The following ADAMTSL3 variants were observed in gnomAD, a reference collection of about 807,000 sequenced individuals.
ADAMTSL3 encodes the protein ADAMTS like 3.
In ADAMTSL3, 128 loss-of-function variants were observed where a neutral mutation model predicts 201.7. The observed-to-expected ratio is 0.63, with a 90% CI of 0.55 to 0.73. The LOEUF (loss-of-function observed/expected upper bound fraction) is 0.73. ADAMTSL3 is among the 30% of genes least tolerant of loss of function. The pLI, the probability that ADAMTSL3 is intolerant of heterozygous loss-of-function variation, is 0.00. For missense variants in ADAMTSL3, 1,990 were observed against 2,119.6 expected (o/e 0.94, Z 1.20); for synonymous variants, 738 against 748.4 (o/e 0.99, Z 0.23).
rs749731497 is a variant in ADAMTSL3 at position 83,804,691 on chromosome 15, A to G, written c.359A>G (p.Asn120Ser). The change falls in exon 5 of 30, where the codon AAT becomes AGT. Residue 120 changes from asparagine (N) to serine (S), a missense_variant. By Grantham distance (46) the Asn-to-Ser change is conservative. Coordinates refer to ENST00000286744, the MANE Select transcript of ADAMTSL3 (RefSeq NM_207517.3). ...AACATTCGGTACAAGACATGCAGCAATCATGTAAGTCATAAAATAAAATTA... is the reference window on the plus strand; with the variant it reads ...AACATTCGGTACAAGACATGCAGCAGTCATGTAAGTCATAAAATAAAATTA... ...GQNIRYKTCS[N>S]HDCPPDAEDF... 1.3e-6 allele frequency: 2 copies of G among 1,582,398 alleles called. No individual in the cohort carries two copies. Among genetic ancestry groups the G allele is most frequent in the Non-Finnish European group, 1.7e-6 (2 of 1,166,650 alleles).
intron 23 of ADAMTSL3, among the ~76,000 whole-genome samples, chr15:83,994,333 C>T (rs1212732196): frequency 6.6e-6 from 1 of 152,190 alleles, no homozygotes; most frequent in East Asian, 1.9e-4. Flanking sequence ...GTGGATGGCA[C>T]CTGACATCCC....
chr15:83,813,309 C>T (rs2063725451), intron 5 of ADAMTSL3, among the ~76,000 whole-genome samples: 1 of 152,178 alleles, frequency 6.6e-6, no homozygotes, highest in Non-Finnish European at 1.5e-5. Context: ...TTCCACTACT[C>T]CAGCAGCCTG....
Position 83,940,926 on chromosome 15 carries a change from T to C in ADAMTSL3, c.2118-1670T>C, listed in dbSNP as rs182262038. ...CACAAAACTAGTGAGGTCCAGTCCC[T>C]TTCTTGAATGGAACTTTTGTAATTC... On this transcript the variant is annotated intron_variant, in intron 17 of 29. Transcript: ENST00000286744. Among the ~76,000 whole-genome samples the C allele has an allele frequency of 3.5e-3, 527 of 152,266 alleles. 1 individual carries two copies. The highest frequency in any genetic ancestry group is 5.1e-3 in the Non-Finnish European group (349 of 68,008).
chr15:83,718,768 C>G (rs1026294302), intron 3 of ADAMTSL3, among the ~76,000 whole-genome samples: 7 of 151,554 alleles, frequency 4.6e-5, no homozygotes, highest in African/African-American at 1.7e-4. Flanking sequence ...AGCATGTCAA[C>G]TATGTTTATA....
chr15:84,002,254 T>C (rs1441333198), intron 23 of ADAMTSL3, among the ~76,000 whole-genome samples: 1 of 152,162 alleles, frequency 6.6e-6, no homozygotes, highest in Non-Finnish European at 1.5e-5. Flanking sequence ...TCAGACTTCA[T>C]TGCAAAAAAC....
At chr15:84,006,378 G>A (rs1403594762) in intron 23 of ADAMTSL3, among the ~76,000 whole-genome samples, 2 of 152,106 alleles carry the variant, frequency 1.3e-5, no homozygotes, top group African/African-American at 4.8e-5. Context: ...AAAAATATAG[G>A]TATAATATAT....
chr15:83,749,909 T>C (rs2062610896), intron 3 of ADAMTSL3, among the ~76,000 whole-genome samples: 1 of 152,244 alleles, frequency 6.6e-6, no homozygotes, highest in Non-Finnish European at 1.5e-5. Context: ...GTAAAAATGA[T>C]AAGCTCAGAA....
chr15:84,004,592 A>G (rs1162120455), intron 23 of ADAMTSL3, among the ~76,000 whole-genome samples: 1 of 152,108 alleles, frequency 6.6e-6, no homozygotes, highest in Non-Finnish European at 1.5e-5. Context: ...TCAAATTAGG[A>G]GTGAACCAGG....
chr15:83,946,438 G>A (rs563479647), intron 19 of ADAMTSL3, among the ~76,000 whole-genome samples: 2 of 152,240 alleles, frequency 1.3e-5, no homozygotes, highest in East Asian at 1.9e-4. Context: ...CAGCATTTCC[G>A]ACTTTTAAAT....
At chr15:83,822,326 C>T (rs1374306352) in intron 6 of ADAMTSL3, among the ~76,000 whole-genome samples, 6 of 138,962 alleles carry the variant, frequency 4.3e-5, no homozygotes, top group African/African-American at 1.4e-4. Context: ...GACGGGGCGG[C>T]TGCCGGGCGG....
intron 29 of ADAMTSL3, among the ~76,000 whole-genome samples, chr15:84,037,451 T>C (rs941249112): frequency 6.6e-6 from 1 of 152,208 alleles, no homozygotes; most frequent in African/African-American, 2.4e-5. Flanking sequence ...ATTGCTGCTC[T>C]GAGAACTCAA....
At chr15:83,659,846 A>G (rs1391691521) in intron 2 of ADAMTSL3, among the ~76,000 whole-genome samples, 1 of 152,200 alleles carries the variant, frequency 6.6e-6, no homozygotes, top group East Asian at 1.9e-4. Context: ...GAGCTAACGC[A>G]TGCCAGCAAC....
At chr15:83,881,545 C>T (rs1323871462) in intron 9 of ADAMTSL3, among the ~76,000 whole-genome samples, 1 of 152,154 alleles carries the variant, frequency 6.6e-6, no homozygotes, top group African/African-American at 2.4e-5. Context: ...TTTTCTGATG[C>T]ACTAAAATAC....
intron 17 of ADAMTSL3, among the ~76,000 whole-genome samples, chr15:83,928,810 C>G (rs528613167): frequency 6.6e-6 from 1 of 152,192 alleles, no homozygotes; most frequent in Non-Finnish European, 1.5e-5. Context: ...ATTTTCAAGA[C>G]TAAATCAAAC....
chr15:83,702,413 C>T (rs2061789634), intron 2 of ADAMTSL3, among the ~76,000 whole-genome samples: 1 of 152,194 alleles, frequency 6.6e-6, no homozygotes, highest in South Asian at 2.1e-4. Flanking sequence ...GAAAATGTCT[C>T]CAGGGCATGT....
At chr15:83,781,964 G>A (rs1337352194) in intron 4 of ADAMTSL3, among the ~76,000 whole-genome samples, 2 of 152,208 alleles carry the variant, frequency 1.3e-5, no homozygotes, top group Non-Finnish European at 2.9e-5. Context: ...TTTATACGCT[G>A]TTGGTGGGAG....
intron 20 of ADAMTSL3, among the ~76,000 whole-genome samples, chr15:83,979,136 A>C (rs1000658576): frequency 6.6e-6 from 1 of 152,228 alleles, no homozygotes; most frequent in African/African-American, 2.4e-5. Context: ...ACGTTTCCCC[A>C]TGTGTGCTTC....
intron 2 of ADAMTSL3, among the ~76,000 whole-genome samples, chr15:83,661,386 T>C (rs1014495082): frequency 1.7e-4 from 26 of 151,706 alleles, no homozygotes; most frequent in African/African-American, 6.3e-4. Flanking sequence ...ATGGCCATTT[T>C]CACAATATTG....
chr15:84,027,036 A>C (rs995519687), intron 27 of ADAMTSL3, among the ~76,000 whole-genome samples: 1 of 152,242 alleles, frequency 6.6e-6, no homozygotes, highest in Non-Finnish European at 1.5e-5. Flanking sequence ...AAAGGAGATT[A>C]TCTCTAAAAT....
Sources: gnomAD v4.1 joint callset for allele counts (sites outside exome capture counted in the v4.1 genomes callset) on GRCh38, gnomAD v4.1.1 for gene constraint, MANE v1.5 for transcripts, NCBI Gene and HGNC (gene_info 2026-07-23, HGNC 2026-07-21) for gene names.